The following IMPA2 variants were observed in gnomAD, a reference collection of about 807,000 sequenced individuals.
The protein encoded by IMPA2 is IMP 2.
Under a neutral mutation model 35.1 loss-of-function variants are expected in IMPA2, and 32 were observed. That is an observed-to-expected ratio of 0.91 (90% CI 0.69 to 1.23). The LOEUF (loss-of-function observed/expected upper bound fraction) is 1.23, where lower values mean the gene tolerates loss of function less well. Among genes scored for constraint, IMPA2 ranks in the 50% most tolerant of loss-of-function variants. The pLI is 0.00. For missense variants in IMPA2, 334 were observed against 387.6 expected (o/e 0.86, Z 1.16); for synonymous variants, 135 against 160.6 (o/e 0.84, Z 1.20).
chr18:12,010,112 G>T lies in IMPA2; in HGVS notation c.335+125G>T. The T allele has an allele frequency of 1.6e-6, 1 of 606,704 alleles. No individual in the cohort carries two copies. 37.6% of individuals were successfully genotyped at this position (606,704 alleles called of 1,614,324 possible). On this transcript the variant is annotated intron_variant, in intron 3 of 7. Transcript: ENST00000269159. The surrounding 1 kb of genome is among the most constrained non-coding windows in gnomAD (Gnocchi z 4.8). Reference sequence around the variant, plus strand: ...TAAACAAACCTATAGTACACTCATAGTCTCATCAGAAAGATGATCAGATCT... The same window carrying T: ...TAAACAAACCTATAGTACACTCATATTCTCATCAGAAAGATGATCAGATCT...
intron 1 of IMPA2, among the ~76,000 whole-genome samples, chr18:11,997,661 A>C (rs1383625938): frequency 2.6e-5 from 4 of 152,150 alleles, no homozygotes. Context: ...TTCTTCTGGC[A>C]GCACAGGGCC....
Position 12,028,830 on chromosome 18 carries a change from C to T in IMPA2, c.600-12C>T. 6.2e-7 allele frequency: 1 copy of T among 1,613,162 alleles called. No homozygotes were observed. The highest frequency in any genetic ancestry group is 1.1e-5 in the South Asian group (1 of 90,978). ...CTCCCGCCTGCATCTGTCCTCCCTTCCCTCTCCCCAGGGTCCGAGTGATTG... is the reference window on the plus strand; with the variant it reads ...CTCCCGCCTGCATCTGTCCTCCCTTTCCTCTCCCCAGGGTCCGAGTGATTG... On this transcript the variant is annotated splice_polypyrimidine_tract_variant and intron_variant, in intron 6 of 7. Coordinates refer to ENST00000269159, the MANE Select transcript of IMPA2 (RefSeq NM_014214.3).
chr18:12,020,840 C>G (rs1907708635), intron 5 of IMPA2, among the ~76,000 whole-genome samples: 1 of 151,964 alleles, frequency 6.6e-6, no homozygotes, highest in Admixed American at 6.6e-5. Flanking sequence ...TTTATTACTC[C>G]TATTTTGTGG....
At chr18:12,009,374 T>C (rs963258462) in intron 2 of IMPA2, among the ~76,000 whole-genome samples, 2 of 152,134 alleles carry the variant, frequency 1.3e-5, no homozygotes, top group African/African-American at 4.8e-5. Flanking sequence ...GTTTGTCACC[T>C]GTGTCTGCAG....
At chr18:11,985,085 A>C (rs550310286) in intron 1 of IMPA2, among the ~76,000 whole-genome samples, 2 of 145,456 alleles carry the variant, frequency 1.4e-5, no homozygotes, top group Admixed American at 7.0e-5. Flanking sequence ...TGGAGGATGC[A>C]GTGGTGAGCC....
At chr18:12,027,566 G>GTTTTT (rs1907914840) in intron 5 of IMPA2, among the ~76,000 whole-genome samples, 2 of 48,742 alleles carry the variant, frequency 4.1e-5, no homozygotes, top group African/African-American at 1.2e-4. Context: ...GAATGATGGT[G>GTTTTT]ATTTTTTTTT....
At chr18:11,998,440 G>C (rs1290141540) in intron 1 of IMPA2, among the ~76,000 whole-genome samples, 2 of 152,206 alleles carry the variant, frequency 1.3e-5, no homozygotes, top group African/African-American at 4.8e-5. Context: ...GACAGCTGAT[G>C]CTGCTCCAGC....
chr18:11,989,518 G>C, intron 1 of IMPA2, among the ~76,000 whole-genome samples: 1 of 152,214 alleles, frequency 6.6e-6, no homozygotes. Context: ...TCCCTTTGGT[G>C]GGGTGGGGGT....
intron 2 of IMPA2, among the ~76,000 whole-genome samples, chr18:12,003,663 AAG>A (rs1568031396): frequency 3.8e-4 from 16 of 41,898 alleles, no homozygotes; most frequent in African/African-American, 1.6e-3. Context: ...AAAAAAAAAA[AAG>A]AAAAGGAAAA....
At chr18:12,015,716 A>G (rs910231083) in intron 5 of IMPA2, among the ~76,000 whole-genome samples, 6 of 152,232 alleles carry the variant, frequency 3.9e-5, no homozygotes, top group African/African-American at 1.4e-4. Context: ...TTCCCTCTCC[A>G]GAAGTGTTTT....
rs751662625 is a variant in IMPA2 at position 11,991,225 on chromosome 18, G to A, written c.97-7829G>A. On this transcript the variant is annotated intron_variant, in intron 1 of 7. Coordinates refer to ENST00000269159, the MANE Select transcript of IMPA2 (RefSeq NM_014214.3). This position sits in a 1 kb window ranked among gnomAD's most constrained non-coding sequence, Gnocchi z 4.1. ...GGAATGCAGCTGGGATGTGGGTGAC[G>A]GGTGGCTGCTGGCATTGGTATGGAA... 6.6e-6 allele frequency among the ~76,000 whole-genome samples: 1 copy of A among 152,310 alleles called. No homozygotes were observed. Among genetic ancestry groups the A allele is most frequent in the African/African-American group, 2.4e-5 (1 of 41,568 alleles).
At chr18:12,028,004 C>T in intron 5 of IMPA2, 39 bp from the exon 6 acceptor site, 1 of 1,415,462 alleles carries the variant, frequency 7.1e-7, no homozygotes. Context: ...AGAACCAAGA[C>T]TTGATTTTTC....
Sources: allele counts gnomAD v4.1 joint callset (sites outside exome capture counted in the v4.1 genomes callset), GRCh38; gene constraint gnomAD v4.1.1; non-coding constraint Gnocchi (gnomAD v3.1); transcripts MANE v1.5; gene names NCBI Gene and HGNC (gene_info 2026-07-23, HGNC 2026-07-21).